The following GFRAL variants were observed in gnomAD, a reference collection of about 807,000 sequenced individuals.
The protein encoded by GFRAL is GDNF family receptor alpha like, also known as GDNF family receptor alpha-like.
In GFRAL, 36 loss-of-function variants were observed where a neutral mutation model predicts 45.4. That is an observed-to-expected ratio of 0.79 (90% CI 0.61 to 1.05). The LOEUF (loss-of-function observed/expected upper bound fraction) is 1.05. Among genes scored for constraint, GFRAL ranks in the 50% least tolerant of loss-of-function variants. The pLI, the probability that GFRAL is intolerant of heterozygous loss-of-function variation, is 0.00. For synonymous variants in GFRAL, 166 were observed against 154.1 expected (o/e 1.08, Z -0.57); for missense variants, 507 against 467.5 (o/e 1.08, Z -0.78).
At chr6:55,367,698 T>A (rs1382418376) in intron 6 of GFRAL, among the ~76,000 whole-genome samples, 1 of 149,776 alleles carries the variant, frequency 6.7e-6, no homozygotes, top group Non-Finnish European at 1.5e-5. Context: ...TCTTCACTTA[T>A]GAAGCTTAGT....
chr6:55,362,417 T>C (rs1768288932), intron 6 of GFRAL, among the ~76,000 whole-genome samples: 1 of 152,048 alleles, frequency 6.6e-6, no homozygotes, highest in Non-Finnish European at 1.5e-5. Context: ...AGCCCTTATC[T>C]GGTCCTGTGT....
intron 6 of GFRAL, among the ~76,000 whole-genome samples, chr6:55,398,733 C>A (rs907927946): frequency 1.3e-5 from 2 of 151,936 alleles, no homozygotes; most frequent in Non-Finnish European, 2.9e-5. Context: ...ACAGGAGAAA[C>A]TGAAGTTTTA....
intron 6 of GFRAL, among the ~76,000 whole-genome samples, chr6:55,371,337 G>C (rs1002896690): frequency 6.6e-6 from 1 of 152,030 alleles, no homozygotes; most frequent in African/African-American, 2.4e-5. Flanking sequence ...CATAGATTTT[G>C]ACAATTTATG....
chr6:55,377,636 A>G (rs1318613970), intron 6 of GFRAL, among the ~76,000 whole-genome samples: 1 of 152,030 alleles, frequency 6.6e-6, no homozygotes, highest in African/African-American at 2.4e-5. Flanking sequence ...GTTTAGCTCG[A>G]TACCTTGGAG....
At chr6:55,342,001 C>T (rs555805836) in intron 3 of GFRAL, among the ~76,000 whole-genome samples, 7 of 152,154 alleles carry the variant, frequency 4.6e-5, no homozygotes, top group Non-Finnish European at 8.8e-5. Flanking sequence ...ATGAACAAAG[C>T]CTCCAAGAAA....
intron 6 of GFRAL, among the ~76,000 whole-genome samples, chr6:55,395,360 T>C (rs17830191): frequency 0.079 from 11,956 of 151,792 alleles, 579 homozygotes; most frequent in South Asian, 0.14. Flanking sequence ...ATATGAAATA[T>C]AAAGTCTTGA....
chr6:55,380,993 A>G (rs2127363149), intron 6 of GFRAL, among the ~76,000 whole-genome samples: 1 of 152,108 alleles, frequency 6.6e-6, no homozygotes, highest in South Asian at 2.1e-4. Context: ...TTTAATAAAA[A>G]CATTTCAAGC....
chr6:55,391,168 T>C (rs544663580), intron 6 of GFRAL, among the ~76,000 whole-genome samples: 3 of 152,252 alleles, frequency 2.0e-5, no homozygotes, highest in Admixed American at 2.0e-4. Flanking sequence ...TGGATTTGCA[T>C]AGCCAAGTTG....
chr6:55,348,470 G>T (rs1257556374), intron 3 of GFRAL, among the ~76,000 whole-genome samples: 1 of 152,216 alleles, frequency 6.6e-6, no homozygotes, highest in Non-Finnish European at 1.5e-5. Context: ...TACGGGCTGG[G>T]TGGCTTAAAA....
Position 55,399,190 on chromosome 6 carries a change from C to G in GFRAL, c.963C>G (p.Thr321=), listed in dbSNP as rs146209371. 1.3e-6 allele frequency: 2 copies of G among 1,568,438 alleles called. No homozygotes were observed. Among genetic ancestry groups the G allele is most frequent in the Non-Finnish European group, 1.7e-6 (2 of 1,149,402 alleles). The stretch of plus-strand genomic sequence containing the variant: ...ATGATTTTCTTTCAGATTATCCAAC[C>G]CTGTCTAATGTCAAAGGCATGGCAT... ...LHRKSCFNYP[T]LSNVKGMALY... Residue 321 remains threonine (T), a synonymous_variant, in exon 7 of 9, where the codon ACC becomes ACG. Transcript: ENST00000340465.
At chr6:55,356,107 G>A (rs1156749141) in intron 5 of GFRAL, among the ~76,000 whole-genome samples, 1 of 151,890 alleles carries the variant, frequency 6.6e-6, no homozygotes, top group Non-Finnish European at 1.5e-5. Context: ...TTAATGTGTT[G>A]TTGCATTTGG....
At chr6:55,364,026 A>G (rs60416584) in intron 6 of GFRAL, among the ~76,000 whole-genome samples, 2,754 of 138,038 alleles carry the variant, frequency 0.02, 70 homozygotes, top group African/African-American at 0.039. Flanking sequence ...GACTTCCACA[A>G]TGGTTGAACT....
intron 6 of GFRAL, among the ~76,000 whole-genome samples, chr6:55,372,166 A>G (rs1379826907): frequency 6.6e-6 from 1 of 152,088 alleles, no homozygotes; most frequent in Non-Finnish European, 1.5e-5. Context: ...TCCTCTGATC[A>G]CCCTGAATGC....
intron 6 of GFRAL, among the ~76,000 whole-genome samples, chr6:55,381,441 A>G (rs1323564783): frequency 6.6e-6 from 1 of 151,884 alleles, no homozygotes; most frequent in Non-Finnish European, 1.5e-5. Flanking sequence ...CATTCAATGG[A>G]TAGATGATTT....
chr6:55,338,612 G>C (rs1439793646), intron 3 of GFRAL, among the ~76,000 whole-genome samples: 1 of 152,042 alleles, frequency 6.6e-6, no homozygotes, highest in Non-Finnish European at 1.5e-5. Flanking sequence ...AGAAGCCATA[G>C]AGTAAAAAAT....
intron 6 of GFRAL, among the ~76,000 whole-genome samples, chr6:55,377,470 G>A (rs775672157): frequency 1.3e-4 from 20 of 152,074 alleles, no homozygotes; most frequent in Admixed American, 5.9e-4. Flanking sequence ...TGTTTCTACC[G>A]TATGGCCACA....
intron 6 of GFRAL, among the ~76,000 whole-genome samples, chr6:55,392,735 G>A (rs3857608): frequency 0.17 from 26,099 of 151,922 alleles, 2,968 homozygotes; most frequent in African/African-American, 0.33. Context: ...AGGGTGGAGG[G>A]TGGGAGGAGG....
At chr6:55,327,630 G>T (rs1767782935) in intron 1 of GFRAL, 54 bp downstream of exon 1, 1 of 1,522,380 alleles carries the variant, frequency 6.6e-7, no homozygotes, top group Non-Finnish European at 9.1e-7. Context: ...CTAATTCTTT[G>T]TAAACTGAAT....
chr6:55,376,113 A>G (rs773747493), intron 6 of GFRAL, among the ~76,000 whole-genome samples: 6 of 152,122 alleles, frequency 3.9e-5, no homozygotes, highest in Non-Finnish European at 8.8e-5. Flanking sequence ...CTATTGAGAT[A>G]ATCATGTGGT....
Sources: gnomAD v4.1 joint callset for allele counts (sites outside exome capture counted in the v4.1 genomes callset) on GRCh38, gnomAD v4.1.1 for gene constraint, MANE v1.5 for transcripts, NCBI Gene and HGNC (gene_info 2026-07-23, HGNC 2026-07-21) for gene names.